The following UGP2 variants were observed in gnomAD, a reference collection of about 807,000 sequenced individuals.
UGP2 encodes the protein UDP-glucose pyrophosphorylase 2, also known as UTP--glucose-1-phosphate uridylyltransferase.
Under a neutral mutation model 49.0 loss-of-function variants are expected in UGP2, and 40 were observed. The observed-to-expected ratio is 0.82, with a 90% CI of 0.63 to 1.06. UGP2 has a LOEUF of 1.06. Among genes scored for constraint, UGP2 ranks in the 50% least tolerant of loss-of-function variants. The pLI, the probability that UGP2 is intolerant of heterozygous loss-of-function variation, is 0.00. For synonymous variants in UGP2, 225 were observed against 213.0 expected (o/e 1.06, Z -0.49); for missense variants, 460 against 603.5 (o/e 0.76, Z 2.49).
chr2:63,872,194 G>A (rs544977662), intron 3 of UGP2, among the ~76,000 whole-genome samples: 8 of 152,308 alleles, frequency 5.3e-5, no homozygotes, highest in South Asian at 4.1e-4. Flanking sequence ...CAGCTAGTTC[G>A]TGACTTGAAA....
chr2:63,858,157 A>G lies in UGP2; in HGVS notation c.255+221A>G, dbSNP rs116692374. On this transcript the variant is annotated intron_variant, in intron 3 of 9. Transcript: ENST00000337130. ...CTTGCTGAGGTCCTCTAACAGTCTG[A>G]TCTCCCTGTGGCAGTACCCAGTATC... 4.6e-5 allele frequency among the ~76,000 whole-genome samples: 7 copies of G among 152,204 alleles called. No homozygotes were observed. In the South Asian group the frequency reaches 1.5e-3, roughly 32 times the overall value.
At chr2:63,879,821 G>T (rs1440082892) in intron 3 of UGP2, among the ~76,000 whole-genome samples, 3 of 152,140 alleles carry the variant, frequency 2.0e-5, no homozygotes, top group South Asian at 2.1e-4. Context: ...CTACCATGTG[G>T]AAAATTGCTG....
intron 1 of UGP2, among the ~76,000 whole-genome samples, chr2:63,849,914 T>A (rs184823413): frequency 5.8e-4 from 89 of 152,338 alleles, no homozygotes; most frequent in African/African-American, 2.0e-3. Context: ...CATAGCAAGT[T>A]ACACGGCAGG....
intron 3 of UGP2, among the ~76,000 whole-genome samples, chr2:63,859,635 C>T (rs890180105): frequency 1.3e-5 from 2 of 151,788 alleles, no homozygotes; most frequent in African/African-American, 4.8e-5. Flanking sequence ...ATGTAGTGAG[C>T]CATAGTTACT....
At chr2:63,870,077 C>A (rs1044288732) in intron 3 of UGP2, among the ~76,000 whole-genome samples, 5 of 152,050 alleles carry the variant, frequency 3.3e-5, no homozygotes, top group African/African-American at 4.8e-5. Flanking sequence ...CGCCGGCCAC[C>A]ATGCCTGGCT....
chr2:63,879,644 G>A (rs892394891), intron 3 of UGP2, among the ~76,000 whole-genome samples: 9 of 152,216 alleles, frequency 5.9e-5, no homozygotes, highest in African/African-American at 1.9e-4. Flanking sequence ...ATGAAAGTCC[G>A]GATACCCGTA....
chr2:63,880,842 C>G (rs1671255844), intron 3 of UGP2, among the ~76,000 whole-genome samples: 1 of 152,172 alleles, frequency 6.6e-6, no homozygotes, highest in Non-Finnish European at 1.5e-5. Flanking sequence ...CCCTCCTCTT[C>G]CTTGTCATTT....
intron 1 of UGP2, among the ~76,000 whole-genome samples, chr2:63,847,893 T>C (rs183261902): frequency 1.8e-4 from 28 of 152,372 alleles, no homozygotes; most frequent in Non-Finnish European, 3.4e-4. Context: ...ATGGCTTGGC[T>C]TGGGCTCAGA....
chr2:63,851,468 T>G (rs1669038013), intron 1 of UGP2, among the ~76,000 whole-genome samples: 1 of 152,178 alleles, frequency 6.6e-6, no homozygotes, highest in African/African-American at 2.4e-5. Context: ...AGCCACTGCT[T>G]AGAACACTAG....
chr2:63,849,931 G>A (rs149667418), intron 1 of UGP2, among the ~76,000 whole-genome samples: 4 of 152,244 alleles, frequency 2.6e-5, no homozygotes, highest in East Asian at 1.9e-4. Context: ...CAGGACTACC[G>A]GATCATTTTT....
intron 3 of UGP2, among the ~76,000 whole-genome samples, chr2:63,860,455 A>G (rs1019456662): frequency 2.6e-5 from 4 of 152,220 alleles, no homozygotes; most frequent in Non-Finnish European, 5.9e-5. Context: ...AATACTTATT[A>G]TCTAGCCTAT....
chr2:63,855,101 CA>C (rs1332523435), intron 1 of UGP2, among the ~76,000 whole-genome samples: 1 of 152,184 alleles, frequency 6.6e-6, no homozygotes, highest in African/African-American at 2.4e-5. Context: ...AGACAAATCT[CA>C]AACAGCTACT....
chr2:63,876,822 G>C (rs1408268759), intron 3 of UGP2, among the ~76,000 whole-genome samples: 2 of 152,228 alleles, frequency 1.3e-5, no homozygotes, highest in Non-Finnish European at 2.9e-5. Context: ...AATTCTTAAT[G>C]TTGTCCGTGG....
At chr2:63,874,323 AAG>A (rs1158327498) in intron 3 of UGP2, among the ~76,000 whole-genome samples, 2 of 152,292 alleles carry the variant, frequency 1.3e-5, no homozygotes, top group East Asian at 3.9e-4. Flanking sequence ...GTGGGTTGGA[AAG>A]AGGTAAAGGA....
intron 3 of UGP2, among the ~76,000 whole-genome samples, chr2:63,872,511 G>A (rs568023187): frequency 1.5e-4 from 23 of 152,158 alleles, no homozygotes; most frequent in Admixed American, 3.9e-4. Context: ...AAATGAAAAA[G>A]ACTTAGAGCA....
At position 63,882,459 on chromosome 2, in the gene UGP2, C is replaced by T; in HGVS notation, c.256-7C>T. On this transcript the variant is annotated splice_polypyrimidine_tract_variant and splice_region_variant and intron_variant, in intron 3 of 9. Transcript: ENST00000337130. ...AAATTACTCCTATAATGTTATTTTT[C>T]TTTCAGATTCAACCCTATGAAAAGA... 1 of 1,555,896 alleles carries T rather than the reference C, an allele frequency of 6.4e-7. No homozygotes were observed. The highest frequency in any genetic ancestry group is 8.8e-7 in the Non-Finnish European group (1 of 1,142,306).
chr2:63,886,254 A>T, intron 6 of UGP2, 87 bp from the exon 7 acceptor site: 1 of 1,265,994 alleles, frequency 7.9e-7, no homozygotes, highest in South Asian at 1.3e-5. Context: ...GTATTTATAT[A>T]TTTTTTGTAT....
intron 8 of UGP2, chr2:63,888,743 C>G (rs1051987996): frequency 1.3e-5 from 2 of 152,262 alleles, no homozygotes; most frequent in African/African-American, 4.8e-5. Flanking sequence ...GTGGGGAGAA[C>G]GTGCAAACTC....
chr2:63,885,905 C>T lies in UGP2; in HGVS notation c.873+19C>T. On this transcript the variant is annotated intron_variant, in intron 6 of 9. Coordinates refer to ENST00000337130, the MANE Select transcript of UGP2 (RefSeq NM_006759.4). ...TGTAAAGGTAAATACCGAGAGGAAG[C>T]AGTTTAGGGCTTCATGTTTTCACAT... 6 of 1,514,490 alleles carry T rather than the reference C, an allele frequency of 4.0e-6. No homozygotes were observed. Among genetic ancestry groups the T allele is most frequent in the Non-Finnish European group, 5.3e-6 (6 of 1,136,612 alleles). 93.8% of individuals were successfully genotyped at this position (1,514,490 alleles called of 1,614,324 possible).
Sources: allele counts gnomAD v4.1 joint callset (sites outside exome capture counted in the v4.1 genomes callset), GRCh38; gene constraint gnomAD v4.1.1; transcripts MANE v1.5; gene names NCBI Gene and HGNC (gene_info 2026-07-23, HGNC 2026-07-21).